Variants in PARN observed in about 807,000 individuals in gnomAD.
The protein encoded by PARN is poly(A)-specific ribonuclease.
PARN carries 71 observed loss-of-function variants against 102.8 expected under a neutral mutation model. The ratio of observed to expected loss-of-function variants is 0.69; its 90% confidence interval spans 0.57 to 0.84. PARN has a LOEUF of 0.84. Ranked by LOEUF, PARN falls within the 40% of genes least tolerant of loss-of-function variation. The pLI, the probability that PARN is intolerant of heterozygous loss-of-function variation, is 0.00. For synonymous variants in PARN, 261 were observed against 252.9 expected, an observed-to-expected ratio of 1.03 and a Z score of -0.30; for missense variants, 782 against 760.9, an observed-to-expected ratio of 1.03 and a Z score of -0.33.
chr16:14,553,048 G>A (rs1340056001), intron 20 of PARN, among the ~76,000 whole-genome samples: 1 of 151,732 alleles, frequency 6.6e-6, no homozygotes, highest in Non-Finnish European at 1.5e-5. Context: ...TGCAGAAATG[G>A]TGTACTGTAT....
intron 22 of PARN, among the ~76,000 whole-genome samples, chr16:14,449,715 C>T (rs1440011430): frequency 1.3e-5 from 2 of 152,204 alleles, no homozygotes; most frequent in African/African-American, 4.8e-5. Flanking sequence ...TCATTACACA[C>T]ACTCCTTAAA....
chr16:14,468,207 T>C (rs1056407541), intron 22 of PARN, among the ~76,000 whole-genome samples: 1 of 152,226 alleles, frequency 6.6e-6, no homozygotes, highest in African/African-American at 2.4e-5. Context: ...TTGAATTTAT[T>C]GATTGGTTTT....
intron 21 of PARN, among the ~76,000 whole-genome samples, chr16:14,529,160 G>A (rs373283940): frequency 6.6e-6 from 1 of 152,142 alleles, no homozygotes; most frequent in Non-Finnish European, 1.5e-5. Flanking sequence ...CTCCAGCTCC[G>A]GACTCTAAAG....
At chr16:14,625,281 T>C (rs1381013403) in intron 5 of PARN, among the ~76,000 whole-genome samples, 1 of 151,928 alleles carries the variant, frequency 6.6e-6, no homozygotes, top group Non-Finnish European at 1.5e-5. Context: ...GCAGATCACC[T>C]GGGGTCGAGA....
At chr16:14,565,286 C>T (rs989810728) in intron 18 of PARN, among the ~76,000 whole-genome samples, 1 of 152,114 alleles carries the variant, frequency 6.6e-6, no homozygotes, top group Middle Eastern at 3.4e-3. Context: ...TTTAATTTCA[C>T]TCAGGTGGGG....
chr16:14,564,787 C>T (rs538175933), intron 18 of PARN, among the ~76,000 whole-genome samples: 3 of 152,082 alleles, frequency 2.0e-5, no homozygotes, highest in East Asian at 1.9e-4. Flanking sequence ...TTTCACTCCC[C>T]GAGTGAAAAA....
intron 22 of PARN, among the ~76,000 whole-genome samples, chr16:14,469,252 G>A (rs1019134262): frequency 3.9e-5 from 6 of 152,016 alleles, no homozygotes; most frequent in African/African-American, 9.7e-5. Flanking sequence ...AGCCAAGATC[G>A]CACCAGGAGG....
At position 14,577,823 on chromosome 16, in the gene PARN, A is replaced by G. The variant is rs1215697188; in HGVS notation, c.1262+3051T>C. On this transcript the variant is annotated intron_variant, in intron 18 of 23. Coordinates refer to ENST00000437198, the MANE Select transcript of PARN (RefSeq NM_002582.4). ...GCTGGGATTACAGGCACCCATCAAC[A>G]CGCTCAGCTACTTTTTGTATTTGTA... Among the ~76,000 whole-genome samples, 5 of 151,554 alleles carry G rather than the reference A, an allele frequency of 3.3e-5. No individual in the cohort carries two copies. The East Asian group carries it at 8.0e-4, about 24-fold the overall frequency.
intron 17 of PARN, 122 bp from the exon 18 acceptor site, chr16:14,581,065 T>A: frequency 3.4e-6 from 2 of 584,252 alleles, no homozygotes; most frequent in Non-Finnish European, 6.2e-6. Flanking sequence ...TATTCTTTTT[T>A]TTTTGAGTCA....
chr16:14,474,332 A>T (rs1962921794), intron 22 of PARN, among the ~76,000 whole-genome samples: 1 of 152,122 alleles, frequency 6.6e-6, no homozygotes, highest in Non-Finnish European at 1.5e-5. Flanking sequence ...ACATGTCTTT[A>T]TTATTGTAGC....
intron 21 of PARN, among the ~76,000 whole-genome samples, chr16:14,525,662 G>A (rs1418291535): frequency 1.3e-5 from 2 of 152,044 alleles, no homozygotes; most frequent in Admixed American, 6.6e-5. Context: ...TGACAGAGCC[G>A]CTCAGTGAAT....
chr16:14,490,990 T>A (rs1226865880), intron 21 of PARN, among the ~76,000 whole-genome samples: 1 of 151,972 alleles, frequency 6.6e-6, no homozygotes. Flanking sequence ...TTTCCTGTGT[T>A]CAGAAAAATG....
chr16:14,598,142 C>T (rs1267720135), intron 12 of PARN, among the ~76,000 whole-genome samples: 2 of 150,636 alleles, frequency 1.3e-5, no homozygotes, highest in Non-Finnish European at 3.0e-5. Context: ...GACTCCGGCT[C>T]AAAAAATATA....
Position 14,629,685 on chromosome 16 carries a change from A to G in PARN, c.20-11T>C, listed in dbSNP as rs762727225. The G allele has an allele frequency of 6.2e-7, 1 of 1,602,314 alleles. No individual in the cohort carries two copies. The highest frequency in any genetic ancestry group is 2.2e-5 in the East Asian group (1 of 44,844). ...GATTACTCTTAAAATCTGCGGAGAA[A>G]CCGAAAAGAGGCTCAGAACCAGTGG... On this transcript the variant is annotated splice_polypyrimidine_tract_variant and intron_variant, in intron 1 of 23. Transcript: ENST00000437198.
At chr16:14,569,263 G>T (rs1000066560) in intron 18 of PARN, among the ~76,000 whole-genome samples, 1 of 151,512 alleles carries the variant, frequency 6.6e-6, no homozygotes, top group Non-Finnish European at 1.5e-5. Flanking sequence ...GAAATGAAAT[G>T]AGAAACAAGA....
chr16:14,551,289 C>T (rs894582691), intron 21 of PARN, among the ~76,000 whole-genome samples: 5 of 151,830 alleles, frequency 3.3e-5, no homozygotes. Flanking sequence ...TAAAACAAGG[C>T]TGGGCATTGT....
Position 14,627,310 on chromosome 16 carries a change from C to G in PARN, c.204G>C (p.Gln68His). 2 of 1,592,896 alleles carry G rather than the reference C, an allele frequency of 1.3e-6. No individual in the cohort carries two copies. Among genetic ancestry groups the G allele is most frequent in the Non-Finnish European group, 1.7e-6 (2 of 1,168,994 alleles). Residue 68 changes from glutamine (Q) to histidine (H), a missense_variant, in exon 4 of 24, where the codon CAG becomes CAC. Gln to His is a conservative substitution (Grantham distance 24, BLOSUM62 0). Transcript: ENST00000437198. ...CATACTTAAAAGTGCAAAGGCCAAA[C>G]TGAAATAGCAAAAAGTCCATGGAAT... ...KKHSMDFLLF[Q>H]FGLCTFKYDY...
chr16:14,462,967 CCCTGGGTATCTGCACAGGAATT>C (rs779515618), intron 22 of PARN, among the ~76,000 whole-genome samples: 31 of 152,180 alleles, frequency 2.0e-4, no homozygotes, highest in Non-Finnish European at 3.8e-4. Context: ...GGTTAGAGAA[CCCTGGGTATCTGCACAGGAATT>C]CCTCGATGAT....
chr16:14,444,339 C>CA (rs1192835121), intron 23 of PARN, among the ~76,000 whole-genome samples: 2 of 151,360 alleles, frequency 1.3e-5, no homozygotes, highest in Non-Finnish European at 2.9e-5. Context: ...CAAAGAAGTA[C>CA]AAAATCTACA....
Sources: gnomAD v4.1 joint callset for allele counts (sites outside exome capture counted in the v4.1 genomes callset) on GRCh38, gnomAD v4.1.1 for gene constraint, MANE v1.5 for transcripts, NCBI Gene and HGNC (gene_info 2026-07-23, HGNC 2026-07-21) for gene names.